KRIT1: variants seen among roughly 807,000 people sequenced by gnomAD.
The protein encoded by KRIT1 is krev interaction trapped protein 1.
KRIT1 carries 45 observed loss-of-function variants against 95.8 expected under a neutral mutation model. That is an observed-to-expected ratio of 0.47 (90% confidence interval 0.37 to 0.60). The LOEUF (loss-of-function observed/expected upper bound fraction) is 0.60. Ranked by LOEUF, KRIT1 falls within the 20% of genes least tolerant of loss-of-function variation. KRIT1 has a pLI of 0.00. For missense variants in KRIT1, 788 were observed against 877.5 expected, an observed-to-expected ratio of 0.90 and a Z score of 1.29; for synonymous variants, 282 against 278.8, an observed-to-expected ratio of 1.01 and a Z score of -0.11.
chr7:92,241,559 T>A (rs554412573), intron 4 of KRIT1, among the ~76,000 whole-genome samples: 1 of 152,366 alleles, frequency 6.6e-6, no homozygotes, highest in South Asian at 2.1e-4. Context: ...TATATATGTA[T>A]ATGTATGTAC....
intron 9 of KRIT1, 62 bp from the exon 10 acceptor site, chr7:92,234,654 A>G: frequency 7.0e-7 from 1 of 1,433,992 alleles, no homozygotes; most frequent in Non-Finnish European, 9.8e-7. Flanking sequence ...TTCAAAAGAA[A>G]TGTGACACAT....
chr7:92,207,640 T>C (rs1458081075), intron 17 of KRIT1, among the ~76,000 whole-genome samples: 2 of 152,206 alleles, frequency 1.3e-5, no homozygotes, highest in Non-Finnish European at 2.9e-5. Context: ...TTGGATCACC[T>C]GAGGCCAGGA....
At chr7:92,209,491 TAAAAC>T (rs1792305993) in intron 17 of KRIT1, among the ~76,000 whole-genome samples, 1 of 152,050 alleles carries the variant, frequency 6.6e-6, no homozygotes, top group Admixed American at 6.6e-5. Flanking sequence ...ACAGAACTGA[TAAAAC>T]AAATTCAATA....
chr7:92,237,455 AAAAC>A (rs1183526257), intron 6 of KRIT1, among the ~76,000 whole-genome samples: 10 of 152,246 alleles, frequency 6.6e-5, no homozygotes, highest in Non-Finnish European at 1.2e-4. Flanking sequence ...TTTAAAAACT[AAAAC>A]AAAAACATTA....
intron 12 of KRIT1, among the ~76,000 whole-genome samples, chr7:92,224,437 C>G (rs1332790145): frequency 6.6e-6 from 1 of 151,758 alleles, no homozygotes; most frequent in Non-Finnish European, 1.5e-5. Flanking sequence ...AGCCACTGTA[C>G]TCCAGCCTGG....
intron 17 of KRIT1, among the ~76,000 whole-genome samples, chr7:92,212,597 T>C (rs1049928359): frequency 6.6e-6 from 1 of 152,198 alleles, no homozygotes; most frequent in Non-Finnish European, 1.5e-5. Flanking sequence ...GTCAGCAGTC[T>C]CCAACCCAGA....
intron 17 of KRIT1, among the ~76,000 whole-genome samples, chr7:92,208,146 T>A (rs1024137585): frequency 7.2e-5 from 11 of 152,070 alleles, no homozygotes; most frequent in Non-Finnish European, 1.5e-4. Flanking sequence ...AATAAAAAAA[T>A]TTCTCAAATG....
chr7:92,200,889 T>A, intron 18 of KRIT1, 85 bp from the exon 19 acceptor site: 9 of 913,102 alleles, frequency 9.9e-6, no homozygotes, highest in South Asian at 1.4e-5. Flanking sequence ...GTTCCCTATC[T>A]ATTTGAAAGG....
upstream of KRIT1, chr7:92,246,092 A>G: frequency 3.6e-6 from 1 of 280,056 alleles, no homozygotes; most frequent in Non-Finnish European, 6.9e-6. Context: ...CCAGCGGCTG[A>G]GCCGGAGCCG....
At chr7:92,210,147 T>C (rs1471928329) in intron 17 of KRIT1, among the ~76,000 whole-genome samples, 1 of 152,162 alleles carries the variant, frequency 6.6e-6, no homozygotes, top group Non-Finnish European at 1.5e-5. Flanking sequence ...ATGCAATCTT[T>C]ATTGAAATAC....
intron 15 of KRIT1, among the ~76,000 whole-genome samples, 159 bp downstream of exon 15, chr7:92,214,452 G>A (rs1793529279): frequency 6.6e-6 from 1 of 152,064 alleles, no homozygotes; most frequent in Non-Finnish European, 1.5e-5. Context: ...ATAACTTTAA[G>A]AATGCTTTAG....
At chr7:92,203,061 T>A (rs1247871682) in intron 17 of KRIT1, among the ~76,000 whole-genome samples, 1 of 152,222 alleles carries the variant, frequency 6.6e-6, no homozygotes, top group East Asian at 1.9e-4. Context: ...GTAGTATAGT[T>A]ACTTCTCAAT....
At chr7:92,236,365 A>C in intron 7 of KRIT1, 48 bp downstream of exon 7, 1 of 1,271,512 alleles carries the variant, frequency 7.9e-7, no homozygotes, top group Non-Finnish European at 1.1e-6. Context: ...TTTCTACTAT[A>C]AACATGTATT....
In KRIT1 at chr7:92,226,717, C is replaced by A. The variant is rs1430013270; in HGVS notation, c.990-35G>T. ...AAAACAAACAAACAAAAAACAACAA[C>A]AAAAAAAACTTACCTAAAAAGATCA... On this transcript the variant is annotated intron_variant, in intron 10 of 18. Transcript: ENST00000394505. 7.5e-6 allele frequency: 12 copies of A among 1,595,066 alleles called. No individual in the cohort carries two copies. The highest frequency in any genetic ancestry group is 8.6e-6 in the Non-Finnish European group (10 of 1,167,220).
At chr7:92,224,688 T>C (rs1344645865) in intron 12 of KRIT1, among the ~76,000 whole-genome samples, 1 of 152,184 alleles carries the variant, frequency 6.6e-6, no homozygotes, top group African/African-American at 2.4e-5. Flanking sequence ...CCAGGTTGAG[T>C]TAGCAGAATA....
At chr7:92,238,938 C>T (rs1006348139) in intron 5 of KRIT1, among the ~76,000 whole-genome samples, 4 of 152,176 alleles carry the variant, frequency 2.6e-5, no homozygotes, top group Non-Finnish European at 5.9e-5. Context: ...AAATGACATA[C>T]AGCACAGTAC....
intron 14 of KRIT1, among the ~76,000 whole-genome samples, chr7:92,220,688 C>CTTTTTTTTTTTTT (rs960417752): frequency 4.0e-5 from 4 of 98,958 alleles, no homozygotes; most frequent in Non-Finnish European, 5.6e-5. Flanking sequence ...ATTCATCCTT[C>CTTTTTTTTTTTTT]TTTTTTTTTT....
chr7:92,205,574 A>G (rs182991914), intron 17 of KRIT1: 1 of 152,226 alleles, frequency 6.6e-6, no homozygotes, highest in East Asian at 1.9e-4. Flanking sequence ...CCCCCCTATG[A>G]AAAACACAAA....
intron 17 of KRIT1, chr7:92,206,621 TGA>T (rs1791548280): frequency 6.6e-6 from 1 of 151,970 alleles, no homozygotes; most frequent in Non-Finnish European, 1.5e-5. Flanking sequence ...TAGGAAGAAG[TGA>T]CATCAGATGT....
Sources: allele counts gnomAD v4.1 joint callset (sites outside exome capture counted in the v4.1 genomes callset), GRCh38; gene constraint gnomAD v4.1.1; transcripts MANE v1.5; gene names NCBI Gene and HGNC (gene_info 2026-07-23, HGNC 2026-07-21).